HSP90AA1: variants seen among roughly 807,000 people sequenced by gnomAD.
HSP90AA1 encodes the protein heat shock protein HSP 90-alpha.
In HSP90AA1, 18 loss-of-function variants were observed where a neutral mutation model predicts 73.3. The observed-to-expected ratio is 0.25, with a 90% confidence interval of 0.17 to 0.36. The LOEUF (loss-of-function observed/expected upper bound fraction) is 0.36, where lower values mean the gene tolerates loss of function less well. Ranked by LOEUF, HSP90AA1 falls within the 10% of genes least tolerant of loss-of-function variation. HSP90AA1 has a pLI of 1.00. For synonymous variants in HSP90AA1, 477 were observed against 296.9 expected, an observed-to-expected ratio of 1.61 and a Z score of -6.24; for missense variants, 704 against 874.2, an observed-to-expected ratio of 0.81 and a Z score of 2.45.
chr14:102,119,851 T>A (rs1297975864), intron 1 of HSP90AA1, among the ~76,000 whole-genome samples: 6 of 152,148 alleles, frequency 3.9e-5, no homozygotes, highest in Non-Finnish European at 8.8e-5. Context: ...GAATGATATT[T>A]TGTTTTGAGG....
intron 1 of HSP90AA1, among the ~76,000 whole-genome samples, chr14:102,134,790 G>C (rs1044110724): frequency 6.6e-6 from 1 of 152,204 alleles, no homozygotes; most frequent in Non-Finnish European, 1.5e-5. Flanking sequence ...ATTGCAAAGG[G>C]AGAAAGAACA....
At chr14:102,126,079 G>A (rs1373840068) in intron 1 of HSP90AA1, among the ~76,000 whole-genome samples, 3 of 152,170 alleles carry the variant, frequency 2.0e-5, no homozygotes, top group Admixed American at 6.6e-5. Flanking sequence ...GGGGCCTCAG[G>A]GAAAGCCTCT....
chr14:102,087,290 C>T, upstream of HSP90AA1: 2 of 475,934 alleles, frequency 4.2e-6, no homozygotes, highest in Non-Finnish European at 5.5e-6. Flanking sequence ...TCGCACGCCC[C>T]CGCGCCGGCC....
chr14:102,118,917 C>T (rs997470592), intron 1 of HSP90AA1, among the ~76,000 whole-genome samples: 20 of 145,574 alleles, frequency 1.4e-4, no homozygotes, highest in Non-Finnish European at 7.4e-5. Flanking sequence ...TGTAGTGGTG[C>T]AATCTCGGCT....
chr14:102,084,395 T>C lies in HSP90AA1; in HGVS notation c.1147+4A>G. ...CAGTGATTATTTTTCCTATCTATAC[T>C]TACTCAGATATTCAGGGATTAGCTC... On this transcript the variant is annotated splice_donor_region_variant and intron_variant, in intron 6 of 10. Transcript: ENST00000216281. The C allele has an allele frequency of 1.2e-6, 2 of 1,611,252 alleles. No individual in the cohort carries two copies. Among genetic ancestry groups the C allele is most frequent in the Non-Finnish European group, 1.7e-6 (2 of 1,177,332 alleles).
At chr14:102,112,452 G>T (rs1230160465) in intron 1 of HSP90AA1, among the ~76,000 whole-genome samples, 1 of 152,128 alleles carries the variant, frequency 6.6e-6, no homozygotes, top group African/African-American at 2.4e-5. Context: ...GGGGTTACGG[G>T]CGTGAGCCAC....
At chr14:102,082,064 T>A (rs1230993091) in intron 10 of HSP90AA1, 47 bp downstream of exon 10, 2 of 1,273,310 alleles carry the variant, frequency 1.6e-6, no homozygotes, top group African/African-American at 1.5e-5. Context: ...TTCTTCAATG[T>A]CACGTGTGTT....
At chr14:102,109,423 C>G (rs976568657) in intron 1 of HSP90AA1, among the ~76,000 whole-genome samples, 3 of 152,098 alleles carry the variant, frequency 2.0e-5, no homozygotes, top group African/African-American at 7.2e-5. Context: ...GTGGGTCTTT[C>G]CTGTGCTATT....
chr14:102,108,209 GC>G (rs1356058234), intron 1 of HSP90AA1, among the ~76,000 whole-genome samples: 2 of 137,892 alleles, frequency 1.5e-5, no homozygotes, highest in East Asian at 4.6e-4. Context: ...GCTGCAGTGA[GC>G]CATAATCATG....
Position 102,082,100 on chromosome 14 carries a change from A to T in HSP90AA1, c.2089+11T>A. 1 of 1,565,048 alleles carries T rather than the reference A, an allele frequency of 6.4e-7. No homozygotes were observed. The highest frequency in any genetic ancestry group is 8.8e-7 in the Non-Finnish European group (1 of 1,135,554). ...TATTTTCTTTTTAACATTACATAGT[A>T]TAAGGCTTACCCAGACCAAGTTTGA... On this transcript the variant is annotated intron_variant, in intron 10 of 10. Coordinates refer to ENST00000216281, the MANE Select transcript of HSP90AA1 (RefSeq NM_005348.4).
At chr14:102,107,777 C>T (rs1018763838) in intron 1 of HSP90AA1, among the ~76,000 whole-genome samples, 13 of 152,044 alleles carry the variant, frequency 8.6e-5, no homozygotes, top group South Asian at 6.2e-4. Context: ...AATGTGTGAA[C>T]GCTCTGTCCC....
At chr14:102,117,189 C>A (rs1023497558) in intron 1 of HSP90AA1, among the ~76,000 whole-genome samples, 15 of 152,184 alleles carry the variant, frequency 9.9e-5, no homozygotes, top group Non-Finnish European at 1.8e-4. Context: ...CACCCCTCAG[C>A]AGGAACAGCC....
Position 102,139,525 on chromosome 14 carries a change from A to G in HSP90AA1, c.-121T>C, listed in dbSNP as rs1193239692. On this transcript the variant is annotated 5_prime_UTR_variant, in exon 1 of 12. Transcript: ENST00000334701. The stretch of plus-strand genomic sequence containing the variant: ...AGGGCAGGGCGGGAGACCGCTGAGG[A>G]GGCACCCTCAAGTTCACCTCAGGCT... The G allele has an allele frequency of 2.8e-6, 3 of 1,056,182 alleles. No individual in the cohort carries two copies. The East Asian group carries it at 7.8e-5, about 28-fold the overall frequency. The allele number at this position is 1,056,182 out of a possible 1,614,324, so 65.4% of individuals were successfully genotyped here. A position where few individuals can be genotyped will look rare whatever the true frequency, so the allele number is the denominator to read the frequency against.
At chr14:102,122,815 C>T (rs188061761) in intron 1 of HSP90AA1, among the ~76,000 whole-genome samples, 2 of 150,502 alleles carry the variant, frequency 1.3e-5, no homozygotes, top group Non-Finnish European at 3.0e-5. Context: ...TTACAGGTGC[C>T]TGCCACCATG....
upstream of HSP90AA1, among the ~76,000 whole-genome samples, chr14:102,088,390 A>C (rs2049300068): frequency 6.6e-6 from 1 of 152,204 alleles, no homozygotes; most frequent in African/African-American, 2.4e-5. Flanking sequence ...TTGCCGTGTA[A>C]AGAAACGATG....
intron 1 of HSP90AA1, among the ~76,000 whole-genome samples, chr14:102,110,084 C>T (rs1847929889): frequency 6.6e-6 from 1 of 152,062 alleles, no homozygotes; most frequent in Non-Finnish European, 1.5e-5. Flanking sequence ...CAGGTGCCTG[C>T]CACCACGCCT....
chr14:102,085,482 A>C lies in HSP90AA1; in HGVS notation c.530-51T>G, dbSNP rs759514905. On this transcript the variant is annotated intron_variant, in intron 3 of 10. Coordinates refer to ENST00000216281, the MANE Select transcript of HSP90AA1 (RefSeq NM_005348.4). ...CTTAATACATTCAATTTAGTGCTCAACGCCATGCCTAACACCCTTATAACG... is the reference window on the plus strand; with the variant it reads ...CTTAATACATTCAATTTAGTGCTCACCGCCATGCCTAACACCCTTATAACG... 39 of 1,521,216 alleles carry C rather than the reference A, an allele frequency of 2.6e-5. No homozygotes were observed. In the African/African-American group the frequency reaches 5.1e-4, roughly 20 times the overall value. 94.2% of individuals were successfully genotyped at this position (1,521,216 alleles called of 1,614,324 possible).
chr14:102,126,024 C>G (rs902238635), intron 1 of HSP90AA1, among the ~76,000 whole-genome samples: 1 of 152,058 alleles, frequency 6.6e-6, no homozygotes, highest in Non-Finnish European at 1.5e-5. Context: ...AAGTGCTATA[C>G]GGGAAATAAT....
chr14:102,087,152 C>G, upstream of HSP90AA1: 1 of 984,136 alleles, frequency 1.0e-6, no homozygotes, highest in Non-Finnish European at 1.2e-6. Flanking sequence ...CCAGCCGCCG[C>G]CGCGGCCGCG....
Sources: gnomAD v4.1 joint callset for allele counts (sites outside exome capture counted in the v4.1 genomes callset) on GRCh38, gnomAD v4.1.1 for gene constraint, MANE v1.5 for transcripts, NCBI Gene and HGNC (gene_info 2026-07-23, HGNC 2026-07-21) for gene names.